SSPN: variants seen among roughly 807,000 people sequenced by gnomAD.
SSPN encodes the protein K-ras oncogene-associated protein.
In SSPN, 15 loss-of-function variants were observed where a neutral mutation model predicts 19.1. The ratio of observed to expected loss-of-function variants is 0.78; its 90% CI spans 0.52 to 1.21. The LOEUF (loss-of-function observed/expected upper bound fraction) is 1.21. SSPN is among the 50% of genes most tolerant of loss of function. The probability of loss-of-function intolerance (pLI) is 0.00; values close to 1 mark genes in which losing one functional copy is unlikely to be tolerated. For synonymous variants in SSPN, 147 were observed against 140.3 expected (o/e 1.05, Z -0.34); for missense variants, 291 against 314.0 (o/e 0.93, Z 0.55).
At chr12:26,162,464 C>G (rs752941236) in intron 1 of SSPN, among the ~76,000 whole-genome samples, 55 of 152,098 alleles carry the variant, frequency 3.6e-4, no homozygotes, top group Admixed American at 1.1e-3. Context: ...TAACTTAAGC[C>G]CTTATTTATT....
rs1400890867 is a variant in SSPN at position 26,233,218 on chromosome 12, C to G, written c.*2142C>G. On this transcript the variant is annotated 3_prime_UTR_variant, in exon 3 of 3. Transcript: ENST00000242729. This position sits in a 1 kb window ranked among gnomAD's most constrained non-coding sequence, Gnocchi z 4.3. ...TGCTCTATGCTTTACCAGTAATTCA[C>G]AGGGTATTTCAAATGGTAGAATCAT... 6.6e-6 allele frequency: 1 copy of G among 151,948 alleles called. No homozygotes were observed. Among genetic ancestry groups the G allele is most frequent in the East Asian group, 1.9e-4 (1 of 5,192 alleles). The allele number at this position is 151,948 out of a possible 1,614,324, so 9.4% of individuals were successfully genotyped here.
At position 26,195,697 on chromosome 12, in the gene SSPN, G is replaced by C. The variant is rs1326651408; in HGVS notation, c.25G>C (p.Gly9Arg). 24 of 1,117,764 alleles carry C rather than the reference G, an allele frequency of 2.1e-5. No homozygotes were observed. The highest frequency in any genetic ancestry group is 1.1e-4 in the Admixed American group (2 of 18,334). The allele number at this position is 1,117,764 out of a possible 1,614,324, so 69.2% of individuals were successfully genotyped here. A position where few individuals can be genotyped will look rare whatever the true frequency, so the allele number is the denominator to read the frequency against. The part of the protein sequence containing the change: MGKNKQPR[G>R]QQRQGGPPAA... Reference sequence around the variant, plus strand: ...CATGGGCAAGAACAAGCAGCCACGCGGCCAGCAGAGGCAGGGGGGCCCGCC... The same window carrying C: ...CATGGGCAAGAACAAGCAGCCACGCCGCCAGCAGAGGCAGGGGGGCCCGCC... Residue 9 changes from glycine (G) to arginine (R), a missense_variant, in exon 1 of 3, where the codon GGC (glycine) becomes CGC (arginine). Gly to Arg is a moderately radical substitution (Grantham distance 125). This residue lies in a region of SSPN where 139 missense variants were observed against 119.6 expected (regional missense o/e 1.16). Coordinates refer to ENST00000242729, the MANE Select transcript of SSPN (RefSeq NM_005086.5).
At chr12:26,208,314 T>C (rs541890475) in intron 1 of SSPN, among the ~76,000 whole-genome samples, 2 of 152,326 alleles carry the variant, frequency 1.3e-5, no homozygotes, top group African/African-American at 2.4e-5. Context: ...CTTATTTGTG[T>C]GCAATGGTAT....
intron 1 of SSPN, among the ~76,000 whole-genome samples, chr12:26,221,123 AT>A (rs2137504996): frequency 6.6e-6 from 1 of 151,958 alleles, no homozygotes; most frequent in South Asian, 2.1e-4. Flanking sequence ...TTTGCCTTTT[AT>A]TTTTTTTCTC....
chr12:26,145,945 T>G (rs921302286), intron 1 of SSPN, among the ~76,000 whole-genome samples: 8 of 152,208 alleles, frequency 5.3e-5, no homozygotes, highest in Non-Finnish European at 4.4e-5. Flanking sequence ...CATTGGCCAC[T>G]TGGAGGCTGA....
chr12:26,226,448 A>G lies in SSPN; in HGVS notation c.366+2069A>G, dbSNP rs140137902. Among the ~76,000 whole-genome samples, 284 of 152,238 alleles carry G rather than the reference A, an allele frequency of 1.9e-3. 1 individual carries two copies. Among genetic ancestry groups the G allele is most frequent in the Non-Finnish European group, 2.9e-3 (198 of 68,020 alleles). On this transcript the variant is annotated intron_variant, in intron 2 of 2. Coordinates refer to ENST00000242729, the MANE Select transcript of SSPN (RefSeq NM_005086.5). ...CATGATGACAGTCTCATTGTAGTCCACACGTGCACACACACGCACCCTCCC... is the reference window on the plus strand; with the variant it reads ...CATGATGACAGTCTCATTGTAGTCCGCACGTGCACACACACGCACCCTCCC...
At chr12:26,187,892 G>A (rs566466844) in intron 1 of SSPN, among the ~76,000 whole-genome samples, 2 of 152,314 alleles carry the variant, frequency 1.3e-5, no homozygotes, top group South Asian at 4.1e-4. Context: ...TAGTTTTTGT[G>A]AAGGGTATAA....
intron 1 of SSPN, among the ~76,000 whole-genome samples, chr12:26,198,751 C>T (rs1211975807): frequency 1.3e-5 from 2 of 152,150 alleles, no homozygotes; most frequent in Non-Finnish European, 2.9e-5. Flanking sequence ...TTTGATTGGT[C>T]CAGTACTTTC....
chr12:26,145,197 C>T (rs997029691), intron 1 of SSPN, among the ~76,000 whole-genome samples: 1 of 152,214 alleles, frequency 6.6e-6, no homozygotes, highest in African/African-American at 2.4e-5. Flanking sequence ...TTTTCTCAAG[C>T]CAGTTCCTTC....
At chr12:26,122,042 C>G (rs1944310006) in exon 1 of SSPN, 1 of 1,548,808 alleles carries the variant, frequency 6.5e-7, no homozygotes, top group Non-Finnish European at 8.7e-7. Context: ...CTGCTTGAAC[C>G]TCCGTCCTTC....
chr12:26,144,310 A>G (rs988755045), intron 1 of SSPN, among the ~76,000 whole-genome samples: 2 of 152,202 alleles, frequency 1.3e-5, no homozygotes, highest in Non-Finnish European at 1.5e-5. Flanking sequence ...ATAGCATAAA[A>G]ATCAAATGCT....
intron 1 of SSPN, chr12:26,124,962 ACACACACG>A (rs1287302054): frequency 9.6e-6 from 6 of 627,870 alleles, no homozygotes; most frequent in Admixed American, 2.3e-5. Flanking sequence ...GCGCTCGCAC[ACACACACG>A]CACACACACG....
intron 1 of SSPN, among the ~76,000 whole-genome samples, chr12:26,175,839 G>GT (rs57740060): frequency 2.2e-5 from 3 of 139,428 alleles, no homozygotes; most frequent in South Asian, 2.3e-4. Flanking sequence ...TTTATTTTGA[G>GT]TTTTTTTTTT....
chr12:26,206,192 G>C (rs770434303), intron 1 of SSPN, among the ~76,000 whole-genome samples: 1 of 152,108 alleles, frequency 6.6e-6, no homozygotes, highest in African/African-American at 2.4e-5. Flanking sequence ...CATGGGAGGC[G>C]AGGGGGAAAT....
intron 1 of SSPN, among the ~76,000 whole-genome samples, chr12:26,136,525 A>G (rs1231334057): frequency 1.3e-5 from 2 of 152,146 alleles, no homozygotes. Context: ...GAACACCCCC[A>G]TCCTAGTAGG....
intron 1 of SSPN, among the ~76,000 whole-genome samples, chr12:26,176,269 C>T (rs577162728): frequency 1.3e-5 from 2 of 152,348 alleles, no homozygotes; most frequent in South Asian, 4.1e-4. Flanking sequence ...TATTCAGCCA[C>T]GCTATCTTTC....
chr12:26,224,947 G>C (rs557248277), intron 2 of SSPN, among the ~76,000 whole-genome samples: 1 of 152,164 alleles, frequency 6.6e-6, no homozygotes, highest in East Asian at 1.9e-4. Flanking sequence ...GCCAATTCAA[G>C]TACACAGCAT....
At position 26,207,012 on chromosome 12, in the gene SSPN, A is replaced by G. The variant is rs995264691; in HGVS notation, c.279+11061A>G. On this transcript the variant is annotated intron_variant, in intron 1 of 2. Transcript: ENST00000242729. ...CTAACTGCAATTTAGTTTTAAAAAC[A>G]AAATGCCAAGGTGGTGCCTTAAACA... 4.6e-5 allele frequency among the ~76,000 whole-genome samples: 7 copies of G among 152,304 alleles called. No individual in the cohort carries two copies. The East Asian group carries it at 1.3e-3, about 29-fold the overall frequency.
chr12:26,123,146 G>A (rs764458320), intron 1 of SSPN: 2 of 1,599,654 alleles, frequency 1.3e-6, no homozygotes, highest in Admixed American at 3.4e-5. Flanking sequence ...CGGACTGAAT[G>A]GGCGATTTCA....
Sources: gnomAD v4.1 joint callset for allele counts (sites outside exome capture counted in the v4.1 genomes callset) on GRCh38, gnomAD v4.1.1 for gene constraint, gnomAD v4.1.1 regional missense constraint, Gnocchi (gnomAD v3.1) non-coding constraint, MANE v1.5 for transcripts, NCBI Gene and HGNC (gene_info 2026-07-23, HGNC 2026-07-21) for gene names.